ETV5: variants seen among roughly 807,000 people sequenced by gnomAD.
ETV5 encodes ETS translocation variant 5.
Under a neutral mutation model 70.0 loss-of-function variants are expected in ETV5, and 10 were observed. The ratio of observed to expected loss-of-function variants is 0.14; its 90% CI spans 0.09 to 0.24. The LOEUF (loss-of-function observed/expected upper bound fraction) is 0.24. Among genes scored for constraint, ETV5 ranks in the 10% least tolerant of loss-of-function variants. The pLI is 1.00. For missense variants in ETV5, 453 were observed against 651.2 expected, an observed-to-expected ratio of 0.70 and a Z score of 3.31; for synonymous variants, 216 against 242.2, an observed-to-expected ratio of 0.89 and a Z score of 1.01.
chr3:186,068,931 A>C (rs751690136), intron 7 of ETV5, among the ~76,000 whole-genome samples: 2 of 152,176 alleles, frequency 1.3e-5, no homozygotes, highest in Admixed American at 6.5e-5. Flanking sequence ...AAATAATACA[A>C]TCCTGTAATA....
At chr3:186,051,918 T>C in intron 12 of ETV5, 112 bp downstream of exon 12, 1 of 972,708 alleles carries the variant, frequency 1.0e-6, no homozygotes, top group Non-Finnish European at 1.6e-6. Context: ...ACAGAATCAC[T>C]TAGGGGGCTA....
intron 5 of ETV5, among the ~76,000 whole-genome samples, chr3:186,089,815 A>G (rs570540990): frequency 6.6e-6 from 1 of 152,368 alleles, no homozygotes; most frequent in African/African-American, 2.4e-5. Flanking sequence ...TTTTAAATTG[A>G]ATCCTAGATC....
chr3:186,057,843 G>A lies in ETV5; in HGVS notation c.971-352C>T, dbSNP rs1288756784. ...TGGAAACACATCTCTATTTCAGTTGGCCTAGCTGGATGGATTTGGTTGATC... is the reference window on the plus strand; with the variant it reads ...TGGAAACACATCTCTATTTCAGTTGACCTAGCTGGATGGATTTGGTTGATC... On this transcript the variant is annotated intron_variant, in intron 9 of 12. Coordinates refer to ENST00000306376, the MANE Select transcript of ETV5 (RefSeq NM_004454.3). The surrounding 1 kb of genome is among the most constrained non-coding windows in gnomAD (Gnocchi z 4.9). Among the ~76,000 whole-genome samples, 1 of 152,150 alleles carries A rather than the reference G, an allele frequency of 6.6e-6. No homozygotes were observed. Among genetic ancestry groups the A allele is most frequent in the Non-Finnish European group, 1.5e-5 (1 of 68,038 alleles).
At chr3:186,076,641 T>C in intron 7 of ETV5, 1 of 186,220 alleles carries the variant, frequency 5.4e-6, no homozygotes. Context: ...CGGTATAATT[T>C]TAGCAAACTT....
At chr3:186,055,229 A>C (rs1395806103) in intron 11 of ETV5, among the ~76,000 whole-genome samples, 1 of 152,222 alleles carries the variant, frequency 6.6e-6, no homozygotes, top group Non-Finnish European at 1.5e-5. Context: ...TAAAATAATA[A>C]AAGCTCCTGT....
chr3:186,064,483 G>T lies in ETV5; in HGVS notation c.911-7C>A. The T allele has an allele frequency of 6.2e-7, 1 of 1,614,002 alleles. No individual in the cohort carries two copies. The highest frequency in any genetic ancestry group is 2.2e-5 in the East Asian group (1 of 44,882). On this transcript the variant is annotated splice_region_variant and splice_polypyrimidine_tract_variant and intron_variant, in intron 8 of 12. Coordinates refer to ENST00000306376, the MANE Select transcript of ETV5 (RefSeq NM_004454.3). ...GACTGGCAGTTAGGCACTTCTGAAAGGAAAGCAAAGGTGGACACAATCCTG... is the reference window on the plus strand; with the variant it reads ...GACTGGCAGTTAGGCACTTCTGAAATGAAAGCAAAGGTGGACACAATCCTG...
intron 1 of ETV5, chr3:186,108,689 C>T (rs556067839): frequency 1.7e-6 from 2 of 1,155,564 alleles, no homozygotes; most frequent in African/African-American, 1.7e-5. Context: ...GCGCCTCCCC[C>T]ACGACGTGTG....
chr3:186,068,030 T>TA (rs1198778185), intron 7 of ETV5, among the ~76,000 whole-genome samples: 1 of 152,200 alleles, frequency 6.6e-6, no homozygotes, highest in Non-Finnish European at 1.5e-5. Flanking sequence ...CATTAGTAAT[T>TA]AAAAAAGTAA....
chr3:186,092,955 G>A (rs1402969345), intron 5 of ETV5, among the ~76,000 whole-genome samples: 1 of 152,208 alleles, frequency 6.6e-6, no homozygotes, highest in Non-Finnish European at 1.5e-5. Context: ...AATGCTGGCT[G>A]TATATAGAAC....
rs1413180648 is a variant in ETV5 at position 186,054,214 on chromosome 3, C to A, written c.1210-2083G>T. The stretch of plus-strand genomic sequence containing the variant: ...CCAGAGCAGCTGGGAATTAGGGCTG[C>A]CCCTCTTCTGGGACTGGGGAGGCAG... On this transcript the variant is annotated intron_variant, in intron 11 of 12. Coordinates refer to ENST00000306376, the MANE Select transcript of ETV5 (RefSeq NM_004454.3). This position sits in a 1 kb window ranked among gnomAD's most constrained non-coding sequence, Gnocchi z 4.4. 2.0e-5 allele frequency among the ~76,000 whole-genome samples: 3 copies of A among 152,230 alleles called. No individual in the cohort carries two copies. Among genetic ancestry groups the A allele is most frequent in the African/African-American group, 7.2e-5 (3 of 41,460 alleles).
intron 5 of ETV5, among the ~76,000 whole-genome samples, chr3:186,082,760 A>T (rs1003942506): frequency 3.9e-5 from 6 of 152,238 alleles, no homozygotes; most frequent in African/African-American, 1.4e-4. Flanking sequence ...ATAAGGCTGA[A>T]CTATCTTCCA....
chr3:186,055,563 A>AT (rs1713139394), intron 11 of ETV5, among the ~76,000 whole-genome samples: 1 of 152,224 alleles, frequency 6.6e-6, no homozygotes, highest in South Asian at 2.1e-4. Context: ...ATGCTGACAC[A>AT]TTTCCATTCT....
At chr3:186,064,528 A>T (rs766017316) in intron 8 of ETV5, 52 bp from the exon 9 acceptor site, 1 of 1,563,684 alleles carries the variant, frequency 6.4e-7, no homozygotes, top group South Asian at 1.1e-5. Flanking sequence ...TCTGCAGCAG[A>T]AACAGCACAT....
chr3:186,083,736 A>T (rs1346878901), intron 5 of ETV5, among the ~76,000 whole-genome samples: 1 of 152,216 alleles, frequency 6.6e-6, no homozygotes, highest in Non-Finnish European at 1.5e-5. Context: ...TTATATTTCC[A>T]ATTTGTTCTT....
At chr3:186,081,279 G>A (rs1385492374) in intron 5 of ETV5, 104 bp from the exon 6 acceptor site, 3 of 1,185,504 alleles carry the variant, frequency 2.5e-6, no homozygotes, top group Admixed American at 2.8e-5. Context: ...GATTGTTCTT[G>A]GAACTCATGT....
intron 7 of ETV5, among the ~76,000 whole-genome samples, chr3:186,070,253 G>C (rs1357454013): frequency 6.6e-6 from 1 of 152,234 alleles, no homozygotes; most frequent in Non-Finnish European, 1.5e-5. Flanking sequence ...CCAGAAATCA[G>C]TTCCTTTGAT....
intron 12 of ETV5, 27 bp from the exon 13 acceptor site, chr3:186,048,887 G>A: frequency 6.3e-7 from 1 of 1,589,714 alleles, no homozygotes; most frequent in Non-Finnish European, 8.6e-7. Flanking sequence ...ACCTTACAGG[G>A]CCCAGTTGGA....
rs138085447 is a variant in ETV5 at position 186,060,128 on chromosome 3, C to A, written c.971-2637G>T. On this transcript the variant is annotated intron_variant, in intron 9 of 12. Coordinates refer to ENST00000306376, the MANE Select transcript of ETV5 (RefSeq NM_004454.3). ...GGTCTTATTATAAAGTCATTACAAG[C>A]GAACTACTTCAAGTTTACGTATCTG... 7.9e-3 allele frequency among the ~76,000 whole-genome samples: 1,209 copies of A among 152,204 alleles called. 16 individuals carry two copies. The highest frequency in any genetic ancestry group is 0.028 in the African/African-American group (1,158 of 41,500).
At chr3:186,102,636 CAAAAAAAAAA>C (rs35154225) in intron 5 of ETV5, among the ~76,000 whole-genome samples, 2 of 91,840 alleles carry the variant, frequency 2.2e-5, no homozygotes, top group Non-Finnish European at 4.3e-5. Context: ...ACTCTCTCTC[CAAAAAAAAAA>C]AAAAAAAAAA....
Sources: gnomAD v4.1 joint callset for allele counts (sites outside exome capture counted in the v4.1 genomes callset) on GRCh38, gnomAD v4.1.1 for gene constraint, Gnocchi (gnomAD v3.1) non-coding constraint, MANE v1.5 for transcripts, NCBI Gene and HGNC (gene_info 2026-07-23, HGNC 2026-07-21) for gene names.